Variants in LYZL2 observed in about 807,000 individuals in gnomAD.
The protein encoded by LYZL2 is lysozyme like 2.
Under a neutral mutation model 17.1 loss-of-function variants are expected in LYZL2, and 13 were observed. That is an observed-to-expected ratio of 0.76 (90% CI 0.49 to 1.21). The LOEUF (loss-of-function observed/expected upper bound fraction) is 1.21. LYZL2 is among the 50% of genes most tolerant of loss of function. The pLI, the probability that LYZL2 is intolerant of heterozygous loss-of-function variation, is 0.00. For missense variants in LYZL2, 166 were observed against 189.2 expected (o/e 0.88, Z 0.72); for synonymous variants, 63 against 74.4 (o/e 0.85, Z 0.79).
In LYZL2 at chr10:30,622,382, T is replaced by C. The variant is rs189546989; in HGVS notation, c.298+3723A>G. Among the ~76,000 whole-genome samples the C allele has an allele frequency of 3.8e-3, 571 of 151,262 alleles. 2 individuals are homozygous for C. The highest frequency in any genetic ancestry group is 0.013 in the African/African-American group (534 of 41,230). On this transcript the variant is annotated intron_variant, in intron 3 of 4. Coordinates refer to ENST00000647634, the MANE Select transcript of LYZL2 (RefSeq NM_183058.3). ...TGACACAGTGAAACCCCATCTCTAC[T>C]AAAAAAAATACAAAAAATTAGCTGG...
downstream of LYZL2, among the ~76,000 whole-genome samples, chr10:30,610,676 T>C (rs1838420745): frequency 6.6e-6 from 1 of 152,106 alleles, no homozygotes; most frequent in African/African-American, 2.4e-5. Context: ...CAAGCAATCT[T>C]CCCACCTTGG....
intron 3 of LYZL2, among the ~76,000 whole-genome samples, chr10:30,613,327 T>C (rs1167058780): frequency 6.6e-6 from 1 of 151,952 alleles, no homozygotes; most frequent in Non-Finnish European, 1.5e-5. Flanking sequence ...CAAGACCTCA[T>C]CTCTACAAAA....
At chr10:30,620,411 A>G (rs185406190) in intron 3 of LYZL2, among the ~76,000 whole-genome samples, 1 of 152,336 alleles carries the variant, frequency 6.6e-6, no homozygotes, top group Admixed American at 6.5e-5. Context: ...GCCTGCCTTG[A>G]TATCTTCCTC....
chr10:30,615,836 T>G (rs1313017537), intron 3 of LYZL2, among the ~76,000 whole-genome samples: 1 of 152,094 alleles, frequency 6.6e-6, no homozygotes, highest in Non-Finnish European at 1.5e-5. Context: ...ACAGCACAGA[T>G]GGAAGACATT....
At chr10:30,607,159 G>C (rs76690625), downstream of LYZL2, among the ~76,000 whole-genome samples, 9 of 7,386 alleles carry the variant, frequency 1.2e-3, no homozygotes, top group African/African-American at 5.7e-3. Context: ...TGATCCACCC[G>C]CCTTGGCCTC....
intron 3 of LYZL2, among the ~76,000 whole-genome samples, chr10:30,615,800 C>A (rs114619723): frequency 0.014 from 2,057 of 152,138 alleles, 52 homozygotes; most frequent in African/African-American, 0.047. Context: ...TACTTTATAG[C>A]CACTCATGGC....
At position 30,620,142 on chromosome 10, in the gene LYZL2, T is replaced by C. The variant is rs1378956890; in HGVS notation, c.298+5963A>G. 3.3e-5 allele frequency among the ~76,000 whole-genome samples: 5 copies of C among 152,370 alleles called. No individual in the cohort carries two copies. The East Asian group carries it at 9.6e-4, about 29-fold the overall frequency. ...GTAAACTGCAGCGTGAGGCCACTGCTGTTTTTGTAAATAAAGTTTTATTAG... is the reference window on the plus strand; with the variant it reads ...GTAAACTGCAGCGTGAGGCCACTGCCGTTTTTGTAAATAAAGTTTTATTAG... On this transcript the variant is annotated intron_variant, in intron 3 of 4. Coordinates refer to ENST00000647634, the MANE Select transcript of LYZL2 (RefSeq NM_183058.3).
chr10:30,625,630 G>A (rs1280581686), intron 3 of LYZL2, among the ~76,000 whole-genome samples: 2 of 152,164 alleles, frequency 1.3e-5, no homozygotes, highest in African/African-American at 4.8e-5. Context: ...ACTGCAATGA[G>A]CTATGAACGC....
At chr10:30,610,558 A>C (rs1270732691), downstream of LYZL2, among the ~76,000 whole-genome samples, 1 of 152,142 alleles carries the variant, frequency 6.6e-6, no homozygotes, top group African/African-American at 2.4e-5. Flanking sequence ...GTTGGGGGAA[A>C]GGAGACGGAG....
At chr10:30,626,043 T>G in intron 3 of LYZL2, 62 bp downstream of exon 3, 3 of 1,567,622 alleles carry the variant, frequency 1.9e-6, no homozygotes, top group East Asian at 2.3e-5. Context: ...TGGTTGGTGA[T>G]CCCATTGTCG....
At chr10:30,624,408 TC>T (rs550632322) in intron 3 of LYZL2, among the ~76,000 whole-genome samples, 53 of 152,366 alleles carry the variant, frequency 3.5e-4, no homozygotes, top group Admixed American at 9.1e-4. Context: ...GGCAGTCCTC[TC>T]CCGGCAGACC....
At chr10:30,606,950 G>A (rs373597189), downstream of LYZL2, among the ~76,000 whole-genome samples, 1 of 147,220 alleles carries the variant, frequency 6.8e-6, no homozygotes, top group Non-Finnish European at 1.5e-5. Context: ...TTTCGCTTCT[G>A]TTGCCCAGGC....
chr10:30,624,515 G>T (rs1225789560), intron 3 of LYZL2, among the ~76,000 whole-genome samples: 2 of 152,134 alleles, frequency 1.3e-5, no homozygotes, highest in Admixed American at 6.5e-5. Context: ...GTTTTTCTAT[G>T]ATTTGATCAG....
At chr10:30,615,575 C>T (rs1838514676) in intron 3 of LYZL2, among the ~76,000 whole-genome samples, 1 of 152,090 alleles carries the variant, frequency 6.6e-6, no homozygotes, top group African/African-American at 2.4e-5. Flanking sequence ...CACACACACA[C>T]AGTAATTATG....
At chr10:30,606,778 G>C in the LYZL2 span, among the ~76,000 whole-genome samples, 1 of 152,084 alleles carries the variant, frequency 6.6e-6, no homozygotes, top group South Asian at 2.1e-4. Context: ...TATCACCAGG[G>C]ACAGAGGACC....
chr10:30,612,002 C>A lies in LYZL2; in HGVS notation c.400G>T (p.Glu134Ter), dbSNP rs936363098. 1 of 1,614,184 alleles carries A rather than the reference C, an allele frequency of 6.2e-7. No individual in the cohort carries two copies. The highest frequency in any genetic ancestry group is 8.5e-7 in the Non-Finnish European group (1 of 1,180,014). Residue 134 changes from glutamate (E) to a stop codon, truncating the protein, a stop_gained, in exon 5 of 5, where the codon GAG becomes TAG. Transcript: ENST00000647634. LOFTEE classifies it high-confidence loss of function. ...NYWQGWKKHC[E>*]GRDLSDWKKD... ...TTCCAGTCGGACAGGTCTCTCCCCT[C>A]ACAGTGTTTCTTCCAGCCTTGCCTG...
In LYZL2 at chr10:30,626,400, T is replaced by C. The variant is rs1838707243; in HGVS notation, c.140-137A>G. ...CACCTTGGGCAGGGCAGGGCGGGCA[T>C]GTGCCCAGGGGGCACACGAGGGGCA... On this transcript the variant is annotated intron_variant, in intron 2 of 4. Coordinates refer to ENST00000647634, the MANE Select transcript of LYZL2 (RefSeq NM_183058.3). 7.1e-6 allele frequency: 10 copies of C among 1,409,484 alleles called. No individual in the cohort carries two copies. The South Asian group carries it at 1.0e-4, about 14-fold the overall frequency. The allele number at this position is 1,409,484 out of a possible 1,614,324, so 87.3% of individuals were successfully genotyped here.
intron 3 of LYZL2, among the ~76,000 whole-genome samples, chr10:30,613,579 T>G (rs1838481901): frequency 6.6e-6 from 1 of 152,188 alleles, no homozygotes; most frequent in African/African-American, 2.4e-5. Context: ...AAGGTTTCTT[T>G]ACAGGTAAAT....
At chr10:30,608,117 A>G (rs529833813), downstream of LYZL2, among the ~76,000 whole-genome samples, 1 of 152,188 alleles carries the variant, frequency 6.6e-6, no homozygotes, top group East Asian at 1.9e-4. Context: ...TAATTTTAAA[A>G]CTTTTTGTAG....
Sources: gnomAD v4.1 joint callset for allele counts (sites outside exome capture counted in the v4.1 genomes callset) on GRCh38, gnomAD v4.1.1 for gene constraint, MANE v1.5 for transcripts, NCBI Gene and HGNC (gene_info 2026-07-23, HGNC 2026-07-21) for gene names.